Variants in PCDH11X observed in about 807,000 individuals in gnomAD.
The protein encoded by PCDH11X is protocadherin-11 X-linked.
Under a neutral mutation model 53.3 loss-of-function variants are expected in PCDH11X, and 18 were observed. That is an observed-to-expected ratio of 0.34 (90% CI 0.23 to 0.50). PCDH11X has a LOEUF of 0.50. Among genes scored for constraint, PCDH11X ranks in the 20% least tolerant of loss-of-function variants. The pLI is 0.98. For synonymous variants in PCDH11X, 279 were observed against 393.3 expected (o/e 0.71, Z 3.44); for missense variants, 570 against 1,032.4 (o/e 0.55, Z 6.14).
At chrX:91,891,861 T>TA (rs761412273) in intron 6 of PCDH11X, among the ~76,000 whole-genome samples, 5 of 87,267 alleles carry the variant, frequency 5.7e-5, no homozygotes, top group Non-Finnish European at 1.1e-4. Context: ...GTATGTTTAA[T>TA]AAAAAAACAA....
At chrX:92,270,127 T>C (rs200198397) in intron 8 of PCDH11X, among the ~76,000 whole-genome samples, 1 of 102,972 alleles carries the variant, frequency 9.7e-6, no homozygotes, top group African/African-American at 3.8e-5. Context: ...TTTTTTTTTT[T>C]CTTTTTGAGA....
chrX:92,112,316 A>G (rs1459485489), intron 6 of PCDH11X, among the ~76,000 whole-genome samples: 2 of 92,221 alleles, frequency 2.2e-5, no homozygotes, highest in Non-Finnish European at 4.1e-5. Flanking sequence ...TATCTGGGAT[A>G]GGGTGATGTT....
chrX:92,227,467 T>C (rs1435882313), intron 7 of PCDH11X, among the ~76,000 whole-genome samples: 1 of 111,439 alleles, frequency 9.0e-6, no homozygotes, highest in Non-Finnish European at 1.9e-5. Flanking sequence ...GCTGTTGGGT[T>C]TCCTGGCAAA....
chrX:91,843,378 C>T (rs1196224109), intron 5 of PCDH11X, among the ~76,000 whole-genome samples: 1 of 104,299 alleles, frequency 9.6e-6, no homozygotes, highest in Non-Finnish European at 2.0e-5. Flanking sequence ...GGCACGATCT[C>T]GGCTTACTGC....
chrX:92,132,037 C>T (rs1474644337), intron 6 of PCDH11X, among the ~76,000 whole-genome samples: 5 of 101,170 alleles, frequency 4.9e-5, no homozygotes, highest in Admixed American at 1.1e-4. Flanking sequence ...TTTGGGAGGC[C>T]GAGGTGGGAG....
At chrX:91,825,028 G>A (rs778979010) in intron 4 of PCDH11X, among the ~76,000 whole-genome samples, 3 of 110,914 alleles carry the variant, frequency 2.7e-5, no homozygotes, top group Non-Finnish European at 3.8e-5. Context: ...GGCAGTCTGC[G>A]TGTTCTCAGA....
At chrX:92,078,941 A>G (rs1602844979) in intron 6 of PCDH11X, among the ~76,000 whole-genome samples, 1 of 110,380 alleles carries the variant, frequency 9.1e-6, no homozygotes, top group East Asian at 2.9e-4. Context: ...TCCCTAAGTT[A>G]TAAGAGCCCA....
intron 10 of PCDH11X, among the ~76,000 whole-genome samples, chrX:92,489,808 C>T (rs1050987982): frequency 1.3e-3 from 137 of 103,506 alleles, no homozygotes; most frequent in Non-Finnish European, 2.5e-3. Context: ...TATACTTACA[C>T]ATATATATAT....
intron 6 of PCDH11X, among the ~76,000 whole-genome samples, chrX:92,177,461 G>A (rs151071430): frequency 0.027 from 3,023 of 111,533 alleles, 67 homozygotes; most frequent in East Asian, 0.2. Flanking sequence ...ATCAGGAATT[G>A]GAATGACCTC....
At chrX:92,296,069 C>T (rs759441176) in intron 8 of PCDH11X, among the ~76,000 whole-genome samples, 67 of 99,689 alleles carry the variant, frequency 6.7e-4, no homozygotes, top group South Asian at 4.8e-3. Context: ...GCAACAAGAG[C>T]GAAACTCTGT....
intron 4 of PCDH11X, among the ~76,000 whole-genome samples, chrX:91,815,675 A>AT (rs1250472870): frequency 9.5e-6 from 1 of 105,724 alleles, no homozygotes; most frequent in African/African-American, 3.5e-5. Flanking sequence ...TAAAAGTCCT[A>AT]TTTTTTTCTA....
intron 10 of PCDH11X, among the ~76,000 whole-genome samples, chrX:92,585,440 C>A (rs1474781938): frequency 9.6e-6 from 1 of 103,693 alleles, no homozygotes. Flanking sequence ...GGTGCTATCT[C>A]GGCTCACTGC....
chrX:91,910,646 G>C (rs1237596943), intron 6 of PCDH11X, among the ~76,000 whole-genome samples: 8 of 110,372 alleles, frequency 7.2e-5, no homozygotes, highest in Admixed American at 1.9e-4. Flanking sequence ...AATCTTACAG[G>C]ATGATCTGCA....
chrX:92,291,639 G>A (rs2068495716), intron 8 of PCDH11X, among the ~76,000 whole-genome samples: 1 of 104,183 alleles, frequency 9.6e-6, no homozygotes, highest in Non-Finnish European at 2.0e-5. Flanking sequence ...TTTTAGTTCT[G>A]TTGTGTGTTT....
At chrX:92,136,100 C>G (rs1448462732) in intron 6 of PCDH11X, among the ~76,000 whole-genome samples, 3 of 110,929 alleles carry the variant, frequency 2.7e-5, no homozygotes, top group African/African-American at 9.8e-5. Flanking sequence ...CACTGGAATA[C>G]TAATTAGTCC....
chrX:92,190,682 A>G (rs185422330), intron 6 of PCDH11X, among the ~76,000 whole-genome samples: 1 of 111,507 alleles, frequency 9.0e-6, no homozygotes, highest in East Asian at 2.8e-4. Flanking sequence ...TCTACTAAAT[A>G]AATAAACAAT....
rs2073015446 is a variant in PCDH11X, at chrX:92,460,489, G to C, written c.3344-7810G>C. On this transcript the variant is annotated intron_variant, in intron 9 of 10. Transcript: ENST00000682573. ...CAAATACTGGCCTCAGCAGTTTGAGGAGAACACCACAGTGGTCACCACAGT... is the reference window on the plus strand; with the variant it reads ...CAAATACTGGCCTCAGCAGTTTGAGCAGAACACCACAGTGGTCACCACAGT... 7 of 725,609 alleles carry C rather than the reference G, an allele frequency of 9.6e-6. No individual in the cohort carries two copies. The South Asian group carries it at 1.5e-4, about 15-fold the overall frequency. The allele number at this position is 725,609 out of a possible 1,213,427, so 59.8% of individuals were successfully genotyped here.
intron 1 of PCDH11X, among the ~76,000 whole-genome samples, chrX:91,786,291 G>A (rs1172008467): frequency 2.8e-5 from 3 of 108,770 alleles, no homozygotes; most frequent in Admixed American, 9.9e-5. Flanking sequence ...CATCTTGAAC[G>A]TGTAGATTTG....
intron 10 of PCDH11X, among the ~76,000 whole-genome samples, chrX:92,603,746 A>G (rs1327397140): frequency 1.0e-5 from 1 of 98,183 alleles, no homozygotes; most frequent in Non-Finnish European, 2.1e-5. Flanking sequence ...TAGCATATCC[A>G]TGTTACATAA....
Sources: allele counts gnomAD v4.1 joint callset (sites outside exome capture counted in the v4.1 genomes callset), GRCh38; gene constraint gnomAD v4.1.1; transcripts MANE v1.5; gene names NCBI Gene and HGNC (gene_info 2026-07-23, HGNC 2026-07-21).